The following IL1RAPL2 variants were observed in gnomAD, a reference collection of about 807,000 sequenced individuals.
The protein encoded by IL1RAPL2 is interleukin 1 receptor accessory protein like 2.
IL1RAPL2 carries 3 observed loss-of-function variants against 44.1 expected under a neutral mutation model. The observed-to-expected ratio is 0.07, with a 90% CI of 0.03 to 0.18. IL1RAPL2 has a LOEUF of 0.18. Among genes scored for constraint, IL1RAPL2 ranks in the 10% least tolerant of loss-of-function variants. The pLI, the probability that IL1RAPL2 is intolerant of heterozygous loss-of-function variation, is 1.00. For synonymous variants in IL1RAPL2, 181 were observed against 178.8 expected, an observed-to-expected ratio of 1.01 and a Z score of -0.10; for missense variants, 391 against 496.4, an observed-to-expected ratio of 0.79 and a Z score of 2.02.
chrX:104,853,632 G>A (rs1268511079), intron 2 of IL1RAPL2, among the ~76,000 whole-genome samples: 1 of 31 alleles, frequency 0.032, no homozygotes, highest in African/African-American at 0.12. Flanking sequence ...AGTGGAAAGA[G>A]TATAGCCAGT....
At chrX:104,705,718 T>G (rs1362447503) in intron 2 of IL1RAPL2, among the ~76,000 whole-genome samples, 1 of 111,500 alleles carries the variant, frequency 9.0e-6, no homozygotes, top group East Asian at 2.9e-4. Flanking sequence ...TAGCCCCAGC[T>G]AAACTGGAGG....
chrX:105,186,056 ATAAT>A lies in IL1RAPL2; in HGVS notation c.83-9417_83-9414del, dbSNP rs1338377508. ...ATTAGGTATTATAAATACTCTAGAG[ATAAT>A]TTAGAGTATGTGAAACGATGCGTGT... On this transcript the variant is annotated intron_variant, in intron 2 of 10. Coordinates refer to ENST00000372582, the MANE Select transcript of IL1RAPL2 (RefSeq NM_017416.2). Among the ~76,000 whole-genome samples, 3 of 112,119 alleles carry A rather than the reference ATAAT, an allele frequency of 2.7e-5. No homozygotes were observed. The Admixed American group carries it at 2.9e-4, about 11-fold the overall frequency.
chrX:105,214,291 G>A (rs1164672220), intron 3 of IL1RAPL2, among the ~76,000 whole-genome samples: 1 of 104,311 alleles, frequency 9.6e-6, no homozygotes, highest in Admixed American at 1.1e-4. Flanking sequence ...CTAAGCAAAT[G>A]GAAAGCAAAA....
chrX:105,346,621 G>A (rs1019759245), intron 5 of IL1RAPL2, among the ~76,000 whole-genome samples: 17 of 111,857 alleles, frequency 1.5e-4, no homozygotes, highest in Non-Finnish European at 3.8e-5. Flanking sequence ...GAAGAAGGCT[G>A]TAAGGCCTTT....
At chrX:104,883,993 T>C (rs939127676) in intron 2 of IL1RAPL2, among the ~76,000 whole-genome samples, 13 of 111,889 alleles carry the variant, frequency 1.2e-4, no homozygotes, top group African/African-American at 3.9e-4. Context: ...AGGACAGGGG[T>C]AAAGTCCCAA....
chrX:105,115,357 C>T (rs1457154022), intron 2 of IL1RAPL2, among the ~76,000 whole-genome samples: 1 of 111,459 alleles, frequency 9.0e-6, no homozygotes, highest in Non-Finnish European at 1.9e-5. Flanking sequence ...GGTTGGGCAG[C>T]CTGCCTTTAT....
intron 5 of IL1RAPL2, among the ~76,000 whole-genome samples, chrX:105,347,128 C>G (rs184983757): frequency 8.9e-6 from 1 of 112,042 alleles, no homozygotes; most frequent in Admixed American, 9.5e-5. Context: ...TCCTCAAACT[C>G]TTCTTCATAG....
intron 6 of IL1RAPL2, among the ~76,000 whole-genome samples, chrX:105,695,824 T>G (rs2038072232): frequency 8.9e-6 from 1 of 112,064 alleles, no homozygotes; most frequent in South Asian, 3.7e-4. Flanking sequence ...AACTAGAAAG[T>G]GAGAAAGCTG....
At chrX:104,747,742 A>T (rs1932200636) in intron 2 of IL1RAPL2, among the ~76,000 whole-genome samples, 1 of 111,481 alleles carries the variant, frequency 9.0e-6, no homozygotes, top group Non-Finnish European at 1.9e-5. Context: ...AAAGAGGATG[A>T]GTGTACTTAC....
At chrX:105,200,236 G>T (rs2033705490) in intron 3 of IL1RAPL2, among the ~76,000 whole-genome samples, 1 of 112,358 alleles carries the variant, frequency 8.9e-6, no homozygotes, top group African/African-American at 3.2e-5. Flanking sequence ...GAAATATTTA[G>T]TAATATTCTC....
chrX:105,008,132 G>A (rs1351044218), intron 2 of IL1RAPL2, among the ~76,000 whole-genome samples: 2 of 111,145 alleles, frequency 1.8e-5, no homozygotes, highest in Non-Finnish European at 3.8e-5. Context: ...AGAGCATAAT[G>A]TTGGCATCTA....
intron 7 of IL1RAPL2, among the ~76,000 whole-genome samples, chrX:105,734,265 TC>T (rs2147569679): frequency 9.0e-6 from 1 of 111,307 alleles, no homozygotes; most frequent in South Asian, 3.8e-4. Flanking sequence ...CATAAGTGTT[TC>T]TTAGCTTCCC....
At chrX:105,107,443 T>A (rs1459731027) in intron 2 of IL1RAPL2, among the ~76,000 whole-genome samples, 2 of 112,545 alleles carry the variant, frequency 1.8e-5, no homozygotes, top group East Asian at 5.6e-4. Context: ...ATTTTCCAGT[T>A]ATTCAGCCTT....
intron 2 of IL1RAPL2, among the ~76,000 whole-genome samples, chrX:104,798,455 G>A (rs931640396): frequency 9.3e-6 from 1 of 107,702 alleles, no homozygotes; most frequent in South Asian, 4.2e-4. Flanking sequence ...TCAGGAGATG[G>A]AGACCATCCT....
intron 6 of IL1RAPL2, among the ~76,000 whole-genome samples, chrX:105,677,645 G>T (rs1227374104): frequency 9.0e-6 from 1 of 111,385 alleles, no homozygotes; most frequent in African/African-American, 3.3e-5. Context: ...TGACATTTAG[G>T]ATCTGAAAGA....
At chrX:105,080,599 C>T (rs1043307595) in intron 2 of IL1RAPL2, among the ~76,000 whole-genome samples, 4 of 111,767 alleles carry the variant, frequency 3.6e-5, no homozygotes. Flanking sequence ...GTACCAGTAC[C>T]ATGCTGTTTT....
At chrX:104,903,467 T>C (rs1388341574) in intron 2 of IL1RAPL2, among the ~76,000 whole-genome samples, 2 of 111,816 alleles carry the variant, frequency 1.8e-5, no homozygotes, top group Non-Finnish European at 3.8e-5. Context: ...ATGTAAAGAA[T>C]AAACTCTCTT....
chrX:104,930,727 C>A (rs994858307), intron 2 of IL1RAPL2, among the ~76,000 whole-genome samples: 2 of 111,780 alleles, frequency 1.8e-5, no homozygotes, highest in Non-Finnish European at 3.8e-5. Context: ...TTATTGAGAA[C>A]TTACGATGAG....
intron 1 of IL1RAPL2, among the ~76,000 whole-genome samples, chrX:104,597,168 A>G (rs765316739): frequency 1.2e-4 from 13 of 109,445 alleles, no homozygotes; most frequent in Non-Finnish European, 2.3e-4. Flanking sequence ...ACACAGTGAA[A>G]CCCCATCTCT....
Sources: allele counts gnomAD v4.1 joint callset (sites outside exome capture counted in the v4.1 genomes callset), GRCh38; gene constraint gnomAD v4.1.1; transcripts MANE v1.5; gene names NCBI Gene and HGNC (gene_info 2026-07-23, HGNC 2026-07-21).